Variants in XRN1 observed in about 807,000 individuals in gnomAD.
XRN1 encodes the protein strand-exchange protein 1 homolog.
Under a neutral mutation model 222.3 loss-of-function variants are expected in XRN1, and 67 were observed. The ratio of observed to expected loss-of-function variants is 0.30; its 90% CI spans 0.25 to 0.37. XRN1 has a LOEUF of 0.37. Ranked by LOEUF, XRN1 falls within the 10% of genes least tolerant of loss-of-function variation. The pLI, the probability that XRN1 is intolerant of heterozygous loss-of-function variation, is 1.00. For synonymous variants in XRN1, 643 were observed against 652.4 expected, an observed-to-expected ratio of 0.99 and a Z score of 0.22; for missense variants, 1,707 against 2,000.2, an observed-to-expected ratio of 0.85 and a Z score of 2.80.
chr3:142,418,770 T>A, intron 11 of XRN1, 45 bp downstream of exon 11: 1 of 1,590,022 alleles, frequency 6.3e-7, no homozygotes, highest in South Asian at 1.1e-5. Context: ...ATAACAATTA[T>A]CCTGTCAAAG....
At chr3:142,371,166 G>A in intron 26 of XRN1, 73 bp downstream of exon 26, 7 of 1,088,402 alleles carry the variant, frequency 6.4e-6, no homozygotes, top group Admixed American at 4.8e-5. Flanking sequence ...AAATTCTTGA[G>A]AAACCAGCTG....
rs543103197 is a variant in XRN1, at chr3:142,447,041, T to C, written c.75+829A>G. Among the ~76,000 whole-genome samples, 3 of 152,132 alleles carry C rather than the reference T, an allele frequency of 2.0e-5. No homozygotes were observed. Among genetic ancestry groups the C allele is most frequent in the Admixed American group, 6.5e-5 (1 of 15,278 alleles). On this transcript the variant is annotated intron_variant, in intron 1 of 40. Coordinates refer to ENST00000392981, the MANE Select transcript of XRN1 (RefSeq NM_001282857.2). The surrounding 1 kb of genome is among the most constrained non-coding windows in gnomAD (Gnocchi z 4.2). The stretch of plus-strand genomic sequence containing the variant: ...TCATTAAATGTGACAAACACCAAAG[T>C]ATCACCCAAAGTCTAGTTTACCTAA...
At chr3:142,386,075 T>C (rs1168423192) in intron 20 of XRN1, among the ~76,000 whole-genome samples, 2 of 151,968 alleles carry the variant, frequency 1.3e-5, no homozygotes, top group Admixed American at 6.6e-5. Flanking sequence ...AAAAAAGTCA[T>C]GTCACCTTAG....
chr3:142,405,811 T>C (rs963588007), intron 15 of XRN1, among the ~76,000 whole-genome samples: 4 of 152,046 alleles, frequency 2.6e-5, no homozygotes, highest in Admixed American at 6.6e-5. Flanking sequence ...CTTCCTACCA[T>C]ATATAAAAAC....
intron 14 of XRN1, among the ~76,000 whole-genome samples, chr3:142,413,769 C>G (rs900160791): frequency 6.6e-6 from 1 of 152,090 alleles, no homozygotes; most frequent in African/African-American, 2.4e-5. Context: ...CATCCCTATA[C>G]CAAAATGTAG....
At chr3:142,382,226 A>T (rs921893144) in intron 22 of XRN1, among the ~76,000 whole-genome samples, 3 of 149,630 alleles carry the variant, frequency 2.0e-5, no homozygotes, top group Non-Finnish European at 4.5e-5. Flanking sequence ...CTCCTGATTT[A>T]AAAAAAAAAT....
chr3:142,445,332 G>A (rs2070456463), intron 1 of XRN1, among the ~76,000 whole-genome samples: 1 of 151,380 alleles, frequency 6.6e-6, no homozygotes, highest in Non-Finnish European at 1.5e-5. Context: ...TAATAGTTTT[G>A]GTTATAATTT....
At chr3:142,327,481 TTCTC>T (rs1184998916) in intron 37 of XRN1, among the ~76,000 whole-genome samples, 3 of 152,064 alleles carry the variant, frequency 2.0e-5, no homozygotes, top group Non-Finnish European at 2.9e-5. Flanking sequence ...CATATGGATA[TTCTC>T]TCTTTTACAG....
rs752196281 is a variant in XRN1, at chr3:142,318,857, T to C, written c.4451A>G (p.His1484Arg). ...ATTTTCAGAGTGGCACTGTGGCCCATGTACCAGTAAGCCATTAGATAATTT... is the reference window on the plus strand; with the variant it reads ...ATTTTCAGAGTGGCACTGTGGCCCACGTACCAGTAAGCCATTAGATAATTT... ...QVKLSNGLLV[H>R]GPQCHSENEA... Residue 1484 changes from histidine (H) to arginine (R), a missense_variant, in exon 38 of 41, where the codon CAT (histidine) becomes CGT (arginine). His to Arg is a conservative substitution (Grantham distance 29). This residue lies in a region of XRN1 where 473 missense variants were observed against 482.0 expected (regional missense o/e 0.98). Transcript: ENST00000392981. 3 of 1,613,868 alleles carry C rather than the reference T, an allele frequency of 1.9e-6. No homozygotes were observed. Among genetic ancestry groups the C allele is most frequent in the East Asian group, 2.2e-5 (1 of 44,880 alleles).
chr3:142,415,927 A>T (rs2068767628), intron 13 of XRN1, among the ~76,000 whole-genome samples: 1 of 152,140 alleles, frequency 6.6e-6, no homozygotes, highest in Non-Finnish European at 1.5e-5. Flanking sequence ...CTAGAATAGG[A>T]AACATGAGAA....
chr3:142,384,345 G>GTC (rs923472444), intron 21 of XRN1, among the ~76,000 whole-genome samples, 178 bp downstream of exon 21: 4 of 150,858 alleles, frequency 2.7e-5, no homozygotes, highest in African/African-American at 9.7e-5. Flanking sequence ...TATACTGAGT[G>GTC]TCTGAGCATG....
intron 13 of XRN1, among the ~76,000 whole-genome samples, chr3:142,414,497 ATT>A (rs35156679): frequency 4.2e-5 from 6 of 143,832 alleles, no homozygotes; most frequent in Non-Finnish European, 3.1e-5. Flanking sequence ...CATTTCCTGA[ATT>A]TTTTTTTTTT....
chr3:142,369,798 CA>C (rs1414193175), intron 27 of XRN1, among the ~76,000 whole-genome samples: 5 of 151,758 alleles, frequency 3.3e-5, no homozygotes, highest in African/African-American at 1.2e-4. Flanking sequence ...GTAATCCCAG[CA>C]CTTTGTGAGG....
intron 25 of XRN1, among the ~76,000 whole-genome samples, chr3:142,372,190 TA>T (rs1300671053): frequency 7.2e-5 from 11 of 152,172 alleles, no homozygotes; most frequent in Admixed American, 2.0e-4. Flanking sequence ...GTCAAATAGA[TA>T]CTCTAGCCTT....
Position 142,318,609 on chromosome 3 carries a change from G to T in XRN1, c.4604C>A (p.Ala1535Asp). Residue 1535 changes from alanine (A) to aspartate (D), a missense_variant, in exon 39 of 41, where the codon GCC (alanine) becomes GAC (aspartate). Transcript: ENST00000392981. The stretch of plus-strand genomic sequence containing the variant: ...TATCTTACCAGTAGGTGGGGGAAAG[G>T]CTGGAGGAATGGTTCCAGGTGGTAC... ...SAVPPGTIPP[A>D]FPPPTANIMP... The T allele has an allele frequency of 2.5e-6, 4 of 1,606,844 alleles. No individual in the cohort carries two copies. Among genetic ancestry groups the T allele is most frequent in the Non-Finnish European group, 3.4e-6 (4 of 1,177,126 alleles).
At chr3:142,436,998 C>T (rs1261093232) in intron 1 of XRN1, among the ~76,000 whole-genome samples, 4 of 151,974 alleles carry the variant, frequency 2.6e-5, no homozygotes, top group Admixed American at 2.0e-4. Context: ...AAAAATACCC[C>T]ATATAATTTT....
intron 20 of XRN1, among the ~76,000 whole-genome samples, chr3:142,394,891 G>C (rs2067871824): frequency 6.6e-6 from 1 of 151,986 alleles, no homozygotes; most frequent in Non-Finnish European, 1.5e-5. Context: ...GTGCTTAGAG[G>C]GTTTCTCAAA....
At chr3:142,445,361 T>C (rs900819432) in intron 1 of XRN1, among the ~76,000 whole-genome samples, 2 of 152,224 alleles carry the variant, frequency 1.3e-5, no homozygotes, top group African/African-American at 4.8e-5. Context: ...TTTGTGTGCA[T>C]TTTTTTCATT....
intron 1 of XRN1, among the ~76,000 whole-genome samples, chr3:142,436,343 T>C (rs917122454): frequency 4.6e-5 from 7 of 152,190 alleles, no homozygotes; most frequent in Non-Finnish European, 7.3e-5. Context: ...TTGGGCTAAA[T>C]ATGTATATTC....
Sources: gnomAD v4.1 joint callset for allele counts (sites outside exome capture counted in the v4.1 genomes callset) on GRCh38, gnomAD v4.1.1 for gene constraint, gnomAD v4.1.1 regional missense constraint, Gnocchi (gnomAD v3.1) non-coding constraint, MANE v1.5 for transcripts, NCBI Gene and HGNC (gene_info 2026-07-23, HGNC 2026-07-21) for gene names.